Variants in SNX29 observed in about 807,000 individuals in gnomAD.
SNX29 encodes sorting nexin 29.
SNX29 carries 78 observed loss-of-function variants against 102.1 expected under a neutral mutation model. The observed-to-expected ratio is 0.76, with a 90% CI of 0.64 to 0.92. The LOEUF is 0.92. SNX29 is among the 40% of genes least tolerant of loss of function. SNX29 has a pLI of 0.00. For missense variants in SNX29, 1,280 were observed against 1,061.7 expected, an observed-to-expected ratio of 1.21 and a Z score of -2.86; for synonymous variants, 580 against 414.5, an observed-to-expected ratio of 1.40 and a Z score of -4.85.
intron 5 of SNX29, 131 bp downstream of exon 5, chr16:12,043,208 C>T (rs990895563): frequency 5.6e-5 from 66 of 1,184,864 alleles, no homozygotes; most frequent in East Asian, 1.5e-4. Flanking sequence ...CTGACAGCTC[C>T]GGAGTGTTCT....
intron 20 of SNX29, among the ~76,000 whole-genome samples, chr16:12,539,859 A>G (rs970767877): frequency 1.3e-5 from 2 of 152,148 alleles, no homozygotes; most frequent in African/African-American, 2.4e-5. Flanking sequence ...GTGTCCAAGT[A>G]TTTTGCCTGT....
chr16:12,352,385 A>G (rs1314612446), intron 15 of SNX29, among the ~76,000 whole-genome samples: 1 of 151,990 alleles, frequency 6.6e-6, no homozygotes, highest in East Asian at 1.9e-4. Flanking sequence ...GGAAGGGGGG[A>G]GGGATAGCAT....
intron 8 of SNX29, among the ~76,000 whole-genome samples, chr16:12,054,669 G>C (rs986271082): frequency 6.6e-6 from 1 of 152,210 alleles, no homozygotes; most frequent in Non-Finnish European, 1.5e-5. Context: ...TGGGTCTTCA[G>C]CTTGTGGACT....
In SNX29 at chr16:12,444,353, G is replaced by T. The variant is rs115061441; in HGVS notation, c.2038-33366G>T. Among the ~76,000 whole-genome samples the T allele has an allele frequency of 2.2e-3, 329 of 152,318 alleles. 1 individual carries two copies. Among genetic ancestry groups the T allele is most frequent in the African/African-American group, 6.9e-3 (287 of 41,558 alleles). On this transcript the variant is annotated intron_variant, in intron 18 of 20. Coordinates refer to ENST00000566228, the MANE Select transcript of SNX29 (RefSeq NM_032167.5). ...CTCAGTCAAAGCTATTTGCTGCTGT[G>T]CTGCTGTTTCTTCCCACTGCATCCC... is the stretch of plus-strand genomic sequence containing the variant.
At chr16:12,285,941 C>T (rs1351896654) in intron 15 of SNX29, among the ~76,000 whole-genome samples, 2 of 151,236 alleles carry the variant, frequency 1.3e-5, no homozygotes, top group East Asian at 2.0e-4. Context: ...CTACAACCTC[C>T]GCCTCCTGGG....
intron 18 of SNX29, among the ~76,000 whole-genome samples, chr16:12,459,775 A>C (rs2086699488): frequency 6.6e-6 from 1 of 152,196 alleles, no homozygotes; most frequent in Admixed American, 6.5e-5. Context: ...CCTGCCCCTC[A>C]GGAGGCCCAG....
At chr16:12,205,075 G>A (rs2077011550) in intron 14 of SNX29, among the ~76,000 whole-genome samples, 1 of 152,226 alleles carries the variant, frequency 6.6e-6, no homozygotes, top group Non-Finnish European at 1.5e-5. Flanking sequence ...ATGGGGCAGG[G>A]CATTTTCGAA....
intron 20 of SNX29, among the ~76,000 whole-genome samples, chr16:12,539,713 T>C (rs897092748): frequency 2.6e-5 from 4 of 152,350 alleles, no homozygotes; most frequent in Non-Finnish European, 5.9e-5. Context: ...GTCATGATTC[T>C]TTACTGTGGC....
chr16:12,385,038 C>T (rs150003856), intron 16 of SNX29, among the ~76,000 whole-genome samples: 83 of 152,274 alleles, frequency 5.5e-4, no homozygotes, highest in African/African-American at 1.7e-3. Flanking sequence ...GGCATGGCGG[C>T]GCACGCCTAT....
intron 14 of SNX29, among the ~76,000 whole-genome samples, chr16:12,246,688 C>T (rs996933070): frequency 6.6e-6 from 1 of 152,110 alleles, no homozygotes; most frequent in Non-Finnish European, 1.5e-5. Flanking sequence ...ATGGTTGACT[C>T]CCTGAGTCAA....
intron 3 of SNX29, among the ~76,000 whole-genome samples, chr16:12,013,909 C>G (rs865912683): frequency 1.3e-5 from 2 of 151,942 alleles, no homozygotes; most frequent in African/African-American, 4.8e-5. Context: ...CTTCGGCCCC[C>G]CAAAGTGCTA....
At chr16:12,083,911 A>G (rs2052033068) in intron 11 of SNX29, among the ~76,000 whole-genome samples, 1 of 152,236 alleles carries the variant, frequency 6.6e-6, no homozygotes, top group African/African-American at 2.4e-5. Context: ...AGAGCTAGGT[A>G]ATTTAATCCT....
chr16:12,566,567 A>G (rs2079019665), intron 20 of SNX29, among the ~76,000 whole-genome samples: 1 of 152,104 alleles, frequency 6.6e-6, no homozygotes, highest in South Asian at 2.1e-4. Context: ...ATGGCTTTAA[A>G]CTGACTTTTA....
intron 17 of SNX29, among the ~76,000 whole-genome samples, chr16:12,399,882 G>A (rs2083874026): frequency 6.6e-6 from 1 of 152,098 alleles, no homozygotes; most frequent in Admixed American, 6.6e-5. Context: ...GAGTCCGGCG[G>A]AGGGCAGCTG....
intron 15 of SNX29, among the ~76,000 whole-genome samples, chr16:12,344,434 A>C (rs992527142): frequency 6.6e-6 from 1 of 152,174 alleles, no homozygotes; most frequent in Admixed American, 6.5e-5. Flanking sequence ...AGAATATAGA[A>C]ACCATGAGGG....
chr16:12,236,471 G>A (rs988863775), intron 14 of SNX29, among the ~76,000 whole-genome samples: 2 of 152,312 alleles, frequency 1.3e-5, no homozygotes, highest in East Asian at 3.9e-4. Flanking sequence ...TACTGCAATG[G>A]TTGGTGCCTA....
intron 20 of SNX29, among the ~76,000 whole-genome samples, chr16:12,541,905 G>A (rs866483116): frequency 2.0e-5 from 3 of 152,302 alleles, no homozygotes; most frequent in Middle Eastern, 3.4e-3. Flanking sequence ...TGCAACAGAT[G>A]TTTTCCACTG....
At chr16:12,128,749 G>A (rs1284305417) in intron 12 of SNX29, among the ~76,000 whole-genome samples, 1 of 152,144 alleles carries the variant, frequency 6.6e-6, no homozygotes, top group Non-Finnish European at 1.5e-5. Context: ...ACCCTGCCCG[G>A]CCTTGTTTTT....
intron 11 of SNX29, chr16:12,087,947 G>A (rs758823899): frequency 2.2e-6 from 1 of 456,788 alleles, no homozygotes; most frequent in South Asian, 1.5e-5. Context: ...TTTGAAGGAG[G>A]ACCTGTTGGG....
Sources: gnomAD v4.1 joint callset for allele counts (sites outside exome capture counted in the v4.1 genomes callset) on GRCh38, gnomAD v4.1.1 for gene constraint, MANE v1.5 for transcripts, NCBI Gene and HGNC (gene_info 2026-07-23, HGNC 2026-07-21) for gene names.